B3GNT9: variants seen among roughly 807,000 people sequenced by gnomAD.
The protein encoded by B3GNT9 is BGnT-9.
For synonymous variants in B3GNT9, 359 were observed against 283.9 expected, an observed-to-expected ratio of 1.26 and a Z score of -2.66; for missense variants, 669 against 599.2, an observed-to-expected ratio of 1.12 and a Z score of -1.22.
In B3GNT9 at chr16:67,149,598, C is replaced by T. The variant is rs1454790436; in HGVS notation, c.888G>A (p.Gly296=). The T allele has an allele frequency of 1.5e-5, 24 of 1,599,156 alleles. No individual in the cohort carries two copies. Among genetic ancestry groups the T allele is most frequent in the African/African-American group, 2.7e-5 (2 of 74,730 alleles). The stretch of plus-strand genomic sequence containing the variant: ...CGCCAGCCAGGCGGTGCAGCGTGGC[C>T]CCGGAAAGCACAAAGCCACCGCCGC... ...YAGGGGFVLS[G]ATLHRLAGAC... Residue 296 remains glycine, a synonymous_variant, in exon 2 of 2, where the codon GGG becomes GGA. Transcript: ENST00000449549.
rs2030416103 is a variant in B3GNT9, at chr16:67,150,205, C to T, written c.281G>A (p.Arg94Gln). ...FARYLRAKDQ[R>Q]RFPLLINQPH... ...CTGGTTAATGAGCAGTGGAAACCGC[C>T]GCTGGTCCTTGGCGCGCAAATAGCG... The change falls in exon 2 of 2, where the codon CGG (arginine) becomes CAG (glutamine). Residue 94 changes from arginine to glutamine, a missense_variant. Coordinates refer to ENST00000449549, the MANE Select transcript of B3GNT9 (RefSeq NM_033309.3). 3 of 1,555,810 alleles carry T rather than the reference C, an allele frequency of 1.9e-6. No homozygotes were observed. Among genetic ancestry groups the T allele is most frequent in the Non-Finnish European group, 2.6e-6 (3 of 1,153,674 alleles).
In B3GNT9 at chr16:67,150,433, C is replaced by T; in HGVS notation, c.53G>A (p.Gly18Asp). ...ATAGAGTAAGAGGCCCAGGGAGGCGCCAAGGAGCAGCGTGAGCAATGCGTC... is the reference window on the plus strand; with the variant it reads ...ATAGAGTAAGAGGCCCAGGGAGGCGTCAAGGAGCAGCGTGAGCAATGCGTC... Reference protein sequence around the residue: ...RRDALLTLLLGASLGLLLYAQ... With the variant: ...RRDALLTLLLDASLGLLLYAQ... Residue 18 changes from glycine to aspartate, a missense_variant, in exon 2 of 2, where the codon GGC becomes GAC. By Grantham distance (94) the Gly-to-Asp change is moderately conservative. Transcript: ENST00000449549. 4 of 1,355,256 alleles carry T rather than the reference C, an allele frequency of 3.0e-6. No homozygotes were observed. The highest frequency in any genetic ancestry group is 3.8e-6 in the Non-Finnish European group (4 of 1,057,040). 84.0% of individuals were successfully genotyped at this position (1,355,256 alleles called of 1,614,324 possible).
chr16:67,150,452 A>G lies in B3GNT9; in HGVS notation c.34T>C (p.Leu12=). ...GAGGCGCCAAGGAGCAGCGTGAGCAATGCGTCCCTGCGTAGGCGCAGCCTC... is the reference window on the plus strand; with the variant it reads ...GAGGCGCCAAGGAGCAGCGTGAGCAGTGCGTCCCTGCGTAGGCGCAGCCTC... ...RRRLRLRRDA[L]LTLLLGASLG... The change falls in exon 2 of 2, where the codon TTG becomes CTG. Residue 12 remains leucine, a synonymous_variant. Transcript: ENST00000449549. 1.5e-6 allele frequency: 2 copies of G among 1,340,888 alleles called. No homozygotes were observed. Among genetic ancestry groups the G allele is most frequent in the Non-Finnish European group, 1.9e-6 (2 of 1,048,778 alleles). 83.1% of individuals were successfully genotyped at this position (1,340,888 alleles called of 1,614,324 possible). A position where few individuals can be genotyped will look rare whatever the true frequency, so the allele number is the denominator to read the frequency against.
Position 67,149,152 on chromosome 16 carries a change from C to A in B3GNT9, c.*125G>T, listed in dbSNP as rs1355111476. 5.6e-6 allele frequency: 8 copies of A among 1,427,684 alleles called. No individual in the cohort carries two copies. The highest frequency in any genetic ancestry group is 7.3e-6 in the Non-Finnish European group (8 of 1,090,494). 88.4% of individuals were successfully genotyped at this position (1,427,684 alleles called of 1,614,324 possible). A position where few individuals can be genotyped will look rare whatever the true frequency, so the allele number is the denominator to read the frequency against. On this transcript the variant is annotated 3_prime_UTR_variant, in exon 2 of 2. Transcript: ENST00000449549. ...GACCGCCAGGAGCCAAGCTTAACCC[C>A]CATCCCCTGGGATCCTGTGGAGACA...
At position 67,150,149 on chromosome 16, in the gene B3GNT9, C is replaced by T. The variant is rs2030411840; in HGVS notation, c.337G>A (p.Gly113Ser). ...GCAATAAGCAGGTCCGGGCGGCCAC[C>T]GGGTGCGCCGTCGCCGCGGCACTTG... is the stretch of plus-strand genomic sequence containing the variant. ...PHKCRGDGAP[G>S]GRPDLLIAVK... The change falls in exon 2 of 2, where the codon GGT (glycine) becomes AGT (serine). Residue 113 changes from glycine (G) to serine (S), a missense_variant. By Grantham distance (56) the Gly-to-Ser change is moderately conservative (BLOSUM62 0). Coordinates refer to ENST00000449549, the MANE Select transcript of B3GNT9 (RefSeq NM_033309.3). 2 of 1,531,648 alleles carry T rather than the reference C, an allele frequency of 1.3e-6. No homozygotes were observed. The highest frequency in any genetic ancestry group is 2.9e-5 in the African/African-American group (2 of 69,560). The allele number at this position is 1,531,648 out of a possible 1,614,324, so 94.9% of individuals were successfully genotyped here. A position where few individuals can be genotyped will look rare whatever the true frequency, so the allele number is the denominator to read the frequency against.
At position 67,150,090 on chromosome 16, in the gene B3GNT9, G is replaced by A; in HGVS notation, c.396C>T (p.Arg132=). The A allele has an allele frequency of 6.8e-7, 1 of 1,460,130 alleles. No homozygotes were observed. Among genetic ancestry groups the A allele is most frequent in the Non-Finnish European group, 9.0e-7 (1 of 1,107,986 alleles). 90.4% of individuals were successfully genotyped at this position (1,460,130 alleles called of 1,614,324 possible). The change falls in exon 2 of 2, where the codon CGC becomes CGT. Residue 132 remains arginine, a synonymous_variant. Transcript: ENST00000449549. ...VKSVAEDFER[R]QAVRQTWGAE... is the part of the protein sequence containing the mutation. ...CGCCCCACGTCTGGCGCACGGCTTG[G>A]CGCCGCTCGAAGTCCTCTGCCACCG...
rs1029660442 is a variant in B3GNT9 at position 67,150,231 on chromosome 16, G to A, written c.255C>T (p.Ala85=). ...GCTGGTCCTTGGCGCGCAAATAGCG[G>A]GCGAAGTCAAAGGGTCCCGTAGGCG... ...PPTPTGPFDF[A]RYLRAKDQRR... is the part of the protein sequence containing the mutation. Residue 85 remains alanine, a synonymous_variant, in exon 2 of 2, where the codon GCC becomes GCT. Coordinates refer to ENST00000449549, the MANE Select transcript of B3GNT9 (RefSeq NM_033309.3). The A allele has an allele frequency of 2.6e-6, 4 of 1,547,768 alleles. No homozygotes were observed. The African/African-American group carries it at 5.7e-5, about 22-fold the overall frequency.
At position 67,149,152 on chromosome 16, in the gene B3GNT9, C is replaced by T. The variant is rs1355111476; in HGVS notation, c.*125G>A. 4 of 1,427,802 alleles carry T rather than the reference C, an allele frequency of 2.8e-6. No homozygotes were observed. The East Asian group carries it at 1.0e-4, about 37-fold the overall frequency. 88.4% of individuals were successfully genotyped at this position (1,427,802 alleles called of 1,614,324 possible). The stretch of plus-strand genomic sequence containing the variant: ...GACCGCCAGGAGCCAAGCTTAACCC[C>T]CATCCCCTGGGATCCTGTGGAGACA... On this transcript the variant is annotated 3_prime_UTR_variant, in exon 2 of 2. Transcript: ENST00000449549.
In B3GNT9 at chr16:67,150,043, G is replaced by A. The variant is rs2030404073; in HGVS notation, c.443C>T (p.Ala148Val). ...CAGCAAGAACACGCGGCGCACCAGC[G>A]CCCCCTGCACGCGACCCTCCGCGCC... Reference protein sequence around the residue: ...TWGAEGRVQGALVRRVFLLGV... With the variant: ...TWGAEGRVQGVLVRRVFLLGV... The change falls in exon 2 of 2, where the codon GCG (alanine) becomes GTG (valine). Residue 148 changes from alanine (A) to valine (V), a missense_variant. By Grantham distance (64) the Ala-to-Val change is moderately conservative. Coordinates refer to ENST00000449549, the MANE Select transcript of B3GNT9 (RefSeq NM_033309.3). 6.6e-7 allele frequency: 1 copy of A among 1,504,922 alleles called. No homozygotes were observed. Among genetic ancestry groups the A allele is most frequent in the Non-Finnish European group, 8.9e-7 (1 of 1,128,804 alleles). 93.2% of individuals were successfully genotyped at this position (1,504,922 alleles called of 1,614,324 possible).
chr16:67,149,666 G>C lies in B3GNT9; in HGVS notation c.820C>G (p.Pro274Ala), dbSNP rs1482402065. 1 of 1,607,596 alleles carries C rather than the reference G, an allele frequency of 6.2e-7. No individual in the cohort carries two copies. Among genetic ancestry groups the C allele is most frequent in the Admixed American group, 1.7e-5 (1 of 59,118 alleles). The change falls in exon 2 of 2, where the codon CCC (proline) becomes GCC (alanine). Residue 274 changes from proline (P) to alanine (A), a missense_variant. Coordinates refer to ENST00000449549, the MANE Select transcript of B3GNT9 (RefSeq NM_033309.3). ...GCGGGCAGGCCGTACACGGCCTCGGGGATGTAGTACTTGCTAGCCCGCGTG... is the reference window on the plus strand; with the variant it reads ...GCGGGCAGGCCGTACACGGCCTCGGCGATGTAGTACTTGCTAGCCCGCGTG... ...IRTRASKYYI[P>A]EAVYGLPAYP...
Position 67,149,314 on chromosome 16 carries a change from T to A in B3GNT9, c.1172A>T (p.Gln391Leu), listed in dbSNP as rs777251168. The A allele has an allele frequency of 1.2e-5, 19 of 1,577,630 alleles. No homozygotes were observed. Among genetic ancestry groups the A allele is most frequent in the Non-Finnish European group, 1.6e-5 (19 of 1,160,464 alleles). The change falls in exon 2 of 2, where the codon CAG becomes CTG. Residue 391 changes from glutamine to leucine, a missense_variant. By Grantham distance (113) the Gln-to-Leu change is moderately radical (BLOSUM62 -2). Transcript: ENST00000449549. ...GPHGPACAHPQPVAAGPFQWD... is the reference protein window; with the variant it reads ...GPHGPACAHPLPVAAGPFQWD... ...TTGGAAGGGGCCTGCAGCGACAGGC[T>A]GTGGATGCGCACAGGCTGGCCCATG...
At position 67,149,285 on chromosome 16, in the gene B3GNT9, C is replaced by A; in HGVS notation, c.1201G>T (p.Asp401Tyr). 6.5e-7 allele frequency: 1 copy of A among 1,538,660 alleles called. No homozygotes were observed. The highest frequency in any genetic ancestry group is 1.3e-5 in the South Asian group (1 of 78,524). The change falls in exon 2 of 2, where the codon GAC becomes TAC. Residue 401 changes from aspartate (D) to tyrosine (Y), a missense_variant. Asp to Tyr is a radical substitution (Grantham distance 160, BLOSUM62 -3). Transcript: ENST00000449549. The part of the protein sequence containing the change: ...QPVAAGPFQW[D>Y]S ...GGGGCTGTAGTGGGGAGCTAGGAGT[C>A]CCATTGGAAGGGGCCTGCAGCGACA... is the stretch of plus-strand genomic sequence containing the variant.
chr16:67,149,564 G>A lies in B3GNT9; in HGVS notation c.922C>T (p.Gln308Ter), dbSNP rs764133892. Residue 308 changes from glutamine (Q) to a stop codon, truncating the protein, a stop_gained, in exon 2 of 2, where the codon CAG becomes TAG. Coordinates refer to ENST00000449549, the MANE Select transcript of B3GNT9 (RefSeq NM_033309.3). LOFTEE classifies it low-confidence loss of function (END_TRUNC). ...TLHRLAGACAQVELFPIDDVF... is the reference protein window; with the variant it reads ...TLHRLAGACA Reference sequence around the variant, plus strand: ...TCGTCGATGGGGAAGAGCTCGACCTGCGCACAGGCGCCAGCCAGGCGGTGC... The same window carrying A: ...TCGTCGATGGGGAAGAGCTCGACCTACGCACAGGCGCCAGCCAGGCGGTGC... 2 of 1,606,286 alleles carry A rather than the reference G, an allele frequency of 1.2e-6. No individual in the cohort carries two copies. The highest frequency in any genetic ancestry group is 1.7e-6 in the Non-Finnish European group (2 of 1,176,736).
chr16:67,150,451 A>G lies in B3GNT9; in HGVS notation c.35T>C (p.Leu12Ser). The G allele has an allele frequency of 7.5e-7, 1 of 1,340,880 alleles. No individual in the cohort carries two copies. The highest frequency in any genetic ancestry group is 9.5e-7 in the Non-Finnish European group (1 of 1,048,728). 83.1% of individuals were successfully genotyped at this position (1,340,880 alleles called of 1,614,324 possible). Residue 12 changes from leucine to serine, a missense_variant, in exon 2 of 2, where the codon TTG (leucine) becomes TCG (serine). By Grantham distance (145) the Leu-to-Ser change is moderately radical. Coordinates refer to ENST00000449549, the MANE Select transcript of B3GNT9 (RefSeq NM_033309.3). ...GGAGGCGCCAAGGAGCAGCGTGAGC[A>G]ATGCGTCCCTGCGTAGGCGCAGCCT... Reference protein sequence around the residue: ...RRRLRLRRDALLTLLLGASLG... With the variant: ...RRRLRLRRDASLTLLLGASLG...
In B3GNT9 at chr16:67,149,640, G is replaced by C; in HGVS notation, c.846C>G (p.Ala282=). The change falls in exon 2 of 2, where the codon GCC becomes GCG. Residue 282 remains alanine (A), a synonymous_variant. Transcript: ENST00000449549. ...CACCGCCGCCCGCGTAGGCCGGATA[G>C]GCGGGCAGGCCGTACACGGCCTCGG... ...YIPEAVYGLP[A]YPAYAGGGGF... 1 of 1,601,072 alleles carries C rather than the reference G, an allele frequency of 6.2e-7. No individual in the cohort carries two copies.
rs1227172734 is a variant in B3GNT9, at chr16:67,149,400, A to C, written c.1086T>G (p.Val362=). The C allele has an allele frequency of 6.2e-7, 1 of 1,603,852 alleles. No individual in the cohort carries two copies. Among genetic ancestry groups the C allele is most frequent in the Admixed American group, 1.7e-5 (1 of 58,362 alleles). ...TFDPCFYREL[V]VVHGLSAADI... is the part of the protein sequence containing the mutation. Reference sequence around the variant, plus strand: ...CAGCGGCCGAGAGCCCGTGCACTACAACCAGCTCACGGTAAAAGCAGGGGT... The same window carrying C: ...CAGCGGCCGAGAGCCCGTGCACTACCACCAGCTCACGGTAAAAGCAGGGGT... Residue 362 remains valine (V), a synonymous_variant, in exon 2 of 2, where the codon GTT becomes GTG. Transcript: ENST00000449549.
In B3GNT9 at chr16:67,150,217, G is replaced by C; in HGVS notation, c.269C>G (p.Ala90Gly). ...CAGTGGAAACCGCCGCTGGTCCTTG[G>C]CGCGCAAATAGCGGGCGAAGTCAAA... ...GPFDFARYLR[A>G]KDQRRFPLLI... Residue 90 changes from alanine to glycine, a missense_variant, in exon 2 of 2, where the codon GCC becomes GGC. By Grantham distance (60) the Ala-to-Gly change is moderately conservative (BLOSUM62 0). Coordinates refer to ENST00000449549, the MANE Select transcript of B3GNT9 (RefSeq NM_033309.3). 1 of 1,552,844 alleles carries C rather than the reference G, an allele frequency of 6.4e-7. No individual in the cohort carries two copies. The highest frequency in any genetic ancestry group is 1.2e-5 in the South Asian group (1 of 84,676).
In B3GNT9 at chr16:67,150,621, C is replaced by G. The variant is rs1226278660; in HGVS notation, c.-136G>C. 2 of 676,184 alleles carry G rather than the reference C, an allele frequency of 3.0e-6. No homozygotes were observed. Among genetic ancestry groups the G allele is most frequent in the African/African-American group, 3.7e-5 (2 of 53,382 alleles). The allele number at this position is 676,184 out of a possible 1,614,324, so 41.9% of individuals were successfully genotyped here. A position where few individuals can be genotyped will look rare whatever the true frequency, so the allele number is the denominator to read the frequency against. ...GCTCCAGCGACCGACGGTTGAGCCCCTTGCGTTGTTCTCCTCCTCCCGGCC... is the reference window on the plus strand; with the variant it reads ...GCTCCAGCGACCGACGGTTGAGCCCGTTGCGTTGTTCTCCTCCTCCCGGCC... On this transcript the variant is annotated 5_prime_UTR_variant, in exon 2 of 2. Coordinates refer to ENST00000449549, the MANE Select transcript of B3GNT9 (RefSeq NM_033309.3).
chr16:67,150,055 C>T lies in B3GNT9; in HGVS notation c.431G>A (p.Arg144His). 6.7e-7 allele frequency: 1 copy of T among 1,488,224 alleles called. No individual in the cohort carries two copies. The highest frequency in any genetic ancestry group is 8.9e-7 in the Non-Finnish European group (1 of 1,121,952). The allele number at this position is 1,488,224 out of a possible 1,614,324, so 92.2% of individuals were successfully genotyped here. ...GCGGCGCACCAGCGCCCCCTGCACG[C>T]GACCCTCCGCGCCCCACGTCTGGCG... ...AVRQTWGAEG[R>H]VQGALVRRVF... Residue 144 changes from arginine (R) to histidine (H), a missense_variant, in exon 2 of 2, where the codon CGC (arginine) becomes CAC (histidine). Coordinates refer to ENST00000449549, the MANE Select transcript of B3GNT9 (RefSeq NM_033309.3).
Sources: gnomAD v4.1 joint callset for allele counts on GRCh38, gnomAD v4.1.1 for gene constraint, MANE v1.5 for transcripts, NCBI Gene and HGNC (gene_info 2026-07-23, HGNC 2026-07-21) for gene names.